Variants in MIPOL1 observed in about 807,000 individuals in gnomAD.
The protein encoded by MIPOL1 is mirror-image polydactyly 1.
In MIPOL1, 57 loss-of-function variants were observed where a neutral mutation model predicts 60.9. That is an observed-to-expected ratio of 0.94 (90% CI 0.76 to 1.17). The LOEUF is 1.17. Ranked by LOEUF, MIPOL1 falls within the 50% of genes most tolerant of loss-of-function variation. MIPOL1 has a pLI of 0.00. For synonymous variants in MIPOL1, 179 were observed against 168.8 expected (o/e 1.06, Z -0.47); for missense variants, 551 against 511.6 (o/e 1.08, Z -0.74).
At chr14:37,338,736 A>G (rs1368912385) in intron 9 of MIPOL1, among the ~76,000 whole-genome samples, 3 of 152,138 alleles carry the variant, frequency 2.0e-5, no homozygotes, top group Non-Finnish European at 4.4e-5. Context: ...AAATCAGCCT[A>G]TTTGAAAAAG....
At chr14:37,465,504 T>G (rs1485801059) in intron 11 of MIPOL1, among the ~76,000 whole-genome samples, 2 of 152,202 alleles carry the variant, frequency 1.3e-5, no homozygotes, top group Non-Finnish European at 2.9e-5. Flanking sequence ...ACCTCAAATC[T>G]GGCAAATTTG....
At chr14:37,222,216 A>G (rs567053883) in intron 1 of MIPOL1, among the ~76,000 whole-genome samples, 4 of 151,314 alleles carry the variant, frequency 2.6e-5, no homozygotes, top group African/African-American at 9.7e-5. Flanking sequence ...AACAGCGAAA[A>G]CATTGCTTTT....
At chr14:37,293,360 A>C (rs1021810081) in intron 7 of MIPOL1, among the ~76,000 whole-genome samples, 4 of 152,140 alleles carry the variant, frequency 2.6e-5, no homozygotes, top group African/African-American at 9.7e-5. Flanking sequence ...GAACAGCTCC[A>C]GTCTACAGCT....
intron 3 of MIPOL1, among the ~76,000 whole-genome samples, chr14:37,249,610 GAT>G (rs937281058): frequency 6.6e-6 from 1 of 152,110 alleles, no homozygotes; most frequent in African/African-American, 2.4e-5. Context: ...ATCTGGGTAA[GAT>G]AGTTCAAGGT....
chr14:37,295,175 C>G (rs1048697724), intron 7 of MIPOL1, among the ~76,000 whole-genome samples: 9 of 152,312 alleles, frequency 5.9e-5, no homozygotes, highest in African/African-American at 2.2e-4. Context: ...AAAGAATTTT[C>G]AACCCAGAAT....
At chr14:37,235,825 G>A (rs1278143240) in intron 1 of MIPOL1, among the ~76,000 whole-genome samples, 1 of 151,970 alleles carries the variant, frequency 6.6e-6, no homozygotes, top group African/African-American at 2.4e-5. Flanking sequence ...CCTCATATAA[G>A]TGGAATCATA....
intron 12 of MIPOL1, among the ~76,000 whole-genome samples, chr14:37,533,197 A>T (rs1469151750): frequency 1.3e-5 from 2 of 152,170 alleles, no homozygotes; most frequent in African/African-American, 4.8e-5. Flanking sequence ...TAAAAAGATT[A>T]GGACTTTATA....
At chr14:37,241,878 T>G (rs1167493608) in intron 1 of MIPOL1, among the ~76,000 whole-genome samples, 1 of 152,194 alleles carries the variant, frequency 6.6e-6, no homozygotes. Context: ...TCTTACATTT[T>G]GAACTTCTCT....
At chr14:37,397,167 G>A (rs951119330) in intron 10 of MIPOL1, among the ~76,000 whole-genome samples, 14 of 152,212 alleles carry the variant, frequency 9.2e-5, no homozygotes, top group South Asian at 6.2e-4. Context: ...CCCACGGGGT[G>A]TCCCTTGATG....
chr14:37,237,951 T>G (rs1011036828), intron 1 of MIPOL1, among the ~76,000 whole-genome samples: 3 of 152,126 alleles, frequency 2.0e-5, no homozygotes, highest in African/African-American at 7.2e-5. Flanking sequence ...TGAGCTTGTT[T>G]TTTTTGAAAT....
At chr14:37,448,130 A>C (rs537970365) in intron 11 of MIPOL1, among the ~76,000 whole-genome samples, 1 of 152,356 alleles carries the variant, frequency 6.6e-6, no homozygotes, top group Admixed American at 6.5e-5. Flanking sequence ...ATTTCTCTCC[A>C]AAACTGTTTC....
intron 11 of MIPOL1, among the ~76,000 whole-genome samples, chr14:37,426,235 A>G (rs1156674063): frequency 6.6e-6 from 1 of 151,970 alleles, no homozygotes; most frequent in Non-Finnish European, 1.5e-5. Flanking sequence ...AAAGGAATTA[A>G]GAATAGCTAT....
At chr14:37,262,274 T>A (rs533777301) in intron 3 of MIPOL1, among the ~76,000 whole-genome samples, 1 of 152,110 alleles carries the variant, frequency 6.6e-6, no homozygotes, top group Admixed American at 6.6e-5. Context: ...CAATCACTAG[T>A]CGGCATTGTT....
chr14:37,313,224 C>G (rs2087535927), intron 9 of MIPOL1, among the ~76,000 whole-genome samples: 1 of 152,116 alleles, frequency 6.6e-6, no homozygotes, highest in African/African-American at 2.4e-5. Flanking sequence ...CAATTGGACT[C>G]AGGTCACACA....
In MIPOL1 at chr14:37,537,408, T is replaced by C. The variant is rs900329628; in HGVS notation, c.1263-9497T>C. ...ACATCCCTGCTAGTGTCAATTTTTT[T>C]TGCATTTTCTGTAGTATAATGATAG... On this transcript the variant is annotated intron_variant, in intron 12 of 12. Coordinates refer to ENST00000684589, the MANE Select transcript of MIPOL1 (RefSeq NM_001388067.1). 2.6e-5 allele frequency among the ~76,000 whole-genome samples: 4 copies of C among 152,162 alleles called. No individual in the cohort carries two copies. The East Asian group carries it at 7.7e-4, about 29-fold the overall frequency.
intron 11 of MIPOL1, among the ~76,000 whole-genome samples, chr14:37,459,430 T>A (rs2094514142): frequency 1.3e-5 from 2 of 152,126 alleles, no homozygotes; most frequent in South Asian, 4.1e-4. Context: ...AATGGATATA[T>A]TCCTGGAAAC....
chr14:37,497,740 T>C (rs1309468797), intron 11 of MIPOL1, among the ~76,000 whole-genome samples: 1 of 152,182 alleles, frequency 6.6e-6, no homozygotes, highest in African/African-American at 2.4e-5. Context: ...TGCATCCATA[T>C]TACAATAACT....
chr14:37,373,547 C>A (rs2092698171), intron 10 of MIPOL1, among the ~76,000 whole-genome samples: 1 of 151,936 alleles, frequency 6.6e-6, no homozygotes, highest in African/African-American at 2.4e-5. Flanking sequence ...GCGCCCCAAC[C>A]CCCAACAGGC....
In MIPOL1 at chr14:37,331,889, G is replaced by A. The variant is rs746043800; in HGVS notation, c.828+23370G>A. ...TTTCAGGCCAGGCACGGTGCTTCAC[G>A]CCTGTAATCCCAGCACTTTGAGAGG... On this transcript the variant is annotated intron_variant, in intron 9 of 12. Coordinates refer to ENST00000684589, the MANE Select transcript of MIPOL1 (RefSeq NM_001388067.1). 1.1e-4 allele frequency among the ~76,000 whole-genome samples: 17 copies of A among 152,108 alleles called. 1 individual carries two copies. The highest frequency in any genetic ancestry group is 5.8e-4 in the East Asian group (3 of 5,186).
Sources: allele counts gnomAD v4.1 joint callset (sites outside exome capture counted in the v4.1 genomes callset), GRCh38; gene constraint gnomAD v4.1.1; transcripts MANE v1.5; gene names NCBI Gene and HGNC (gene_info 2026-07-23, HGNC 2026-07-21).